MGAT5: variants seen among roughly 807,000 people sequenced by gnomAD.
MGAT5 encodes the protein alpha-1,6-mannosylglycoprotein 6-beta-N-acetylglucosaminyltransferase A.
A neutral mutation model predicts 94.3 loss-of-function variants in MGAT5; 30 were observed. That is an observed-to-expected ratio of 0.32 (90% CI 0.24 to 0.43). The LOEUF is 0.43. Ranked by LOEUF, MGAT5 falls within the 20% of genes least tolerant of loss-of-function variation. MGAT5 has a pLI of 1.00. For synonymous variants in MGAT5, 310 were observed against 322.9 expected, an observed-to-expected ratio of 0.96 and a Z score of 0.43; for missense variants, 691 against 905.5, an observed-to-expected ratio of 0.76 and a Z score of 3.04.
intron 10 of MGAT5, among the ~76,000 whole-genome samples, chr2:134,370,948 A>T (rs542085240): frequency 9.2e-5 from 14 of 152,330 alleles, no homozygotes; most frequent in African/African-American, 3.4e-4. Flanking sequence ...TGTGAGTAGG[A>T]ATAAGTGTGG....
At chr2:134,409,807 C>T (rs772887354) in intron 11 of MGAT5, among the ~76,000 whole-genome samples, 1 of 152,132 alleles carries the variant, frequency 6.6e-6, no homozygotes, top group African/African-American at 2.4e-5. Context: ...TTTTACTGGA[C>T]CCTTTGTGAA....
intron 10 of MGAT5, among the ~76,000 whole-genome samples, chr2:134,402,629 C>A (rs1157765676): frequency 6.6e-6 from 1 of 152,120 alleles, no homozygotes; most frequent in Non-Finnish European, 1.5e-5. Context: ...GTAGGAAGAG[C>A]CAAAATCAAC....
chr2:134,271,834 T>TTACAGAA (rs1684047732), intron 2 of MGAT5, among the ~76,000 whole-genome samples: 1 of 152,184 alleles, frequency 6.6e-6, no homozygotes, highest in Admixed American at 6.5e-5. Flanking sequence ...AACCTCCCAC[T>TTACAGAA]GTGTTTAGCT....
At chr2:134,184,615 C>T (rs1043197033) in intron 1 of MGAT5, among the ~76,000 whole-genome samples, 2 of 152,166 alleles carry the variant, frequency 1.3e-5, no homozygotes, top group Non-Finnish European at 2.9e-5. Flanking sequence ...TTGCACACTG[C>T]TGTGAACCCA....
intron 4 of MGAT5, among the ~76,000 whole-genome samples, chr2:134,325,954 T>C (rs1480064761): frequency 6.6e-6 from 1 of 152,036 alleles, no homozygotes; most frequent in African/African-American, 2.4e-5. Flanking sequence ...ATCAGAATAG[T>C]GCCTAATATT....
At chr2:134,429,415 G>T (rs565447196) in intron 14 of MGAT5, among the ~76,000 whole-genome samples, 11 of 152,182 alleles carry the variant, frequency 7.2e-5, no homozygotes, top group African/African-American at 2.7e-4. Context: ...AAGAGAGCGC[G>T]CTCTGCAGCC....
chr2:134,266,786 T>C (rs1683745514), intron 1 of MGAT5, among the ~76,000 whole-genome samples: 1 of 152,210 alleles, frequency 6.6e-6, no homozygotes, highest in East Asian at 1.9e-4. Flanking sequence ...TAATCTTGGG[T>C]TGGCTGCTTT....
intron 2 of MGAT5, 76 bp from the exon 3 acceptor site, chr2:134,317,453 C>G: frequency 8.9e-7 from 1 of 1,126,880 alleles, no homozygotes; most frequent in Non-Finnish European, 1.2e-6. Context: ...CTCTCCCTAC[C>G]TCTTGGCTTA....
chr2:134,193,750 G>A (rs1044721120), intron 1 of MGAT5, among the ~76,000 whole-genome samples: 1 of 149,432 alleles, frequency 6.7e-6, no homozygotes, highest in African/African-American at 2.5e-5. Context: ...TCTAGCCCAG[G>A]CCCTGTGGGG....
At chr2:134,120,452 C>G (rs1274371065) in intron 1 of MGAT5, among the ~76,000 whole-genome samples, 1 of 151,864 alleles carries the variant, frequency 6.6e-6, no homozygotes, top group East Asian at 2.0e-4. Context: ...CGTCGCTCCT[C>G]TGCCGCCTGC....
chr2:134,255,582 A>G (rs930471488), intron 1 of MGAT5, among the ~76,000 whole-genome samples: 3 of 151,988 alleles, frequency 2.0e-5, no homozygotes, highest in African/African-American at 4.8e-5. Context: ...TTGCAAATGG[A>G]ATTTAGATCA....
chr2:134,301,307 A>G (rs531201028), intron 2 of MGAT5, among the ~76,000 whole-genome samples: 1 of 152,224 alleles, frequency 6.6e-6, no homozygotes, highest in South Asian at 2.1e-4. Flanking sequence ...TCCAGTTGTG[A>G]GCTGTTATGA....
chr2:134,274,951 T>G (rs1024871571), intron 2 of MGAT5, among the ~76,000 whole-genome samples: 3 of 152,226 alleles, frequency 2.0e-5, no homozygotes, highest in Non-Finnish European at 4.4e-5. Context: ...CATTTGAAAG[T>G]TGAAAATGAA....
intron 14 of MGAT5, among the ~76,000 whole-genome samples, chr2:134,437,726 G>A (rs1685240302): frequency 6.6e-6 from 1 of 152,134 alleles, no homozygotes. Context: ...AAGAATTACA[G>A]GTTGAGCGGG....
At chr2:134,359,943 G>C (rs1310575371) in intron 9 of MGAT5, among the ~76,000 whole-genome samples, 1 of 152,138 alleles carries the variant, frequency 6.6e-6, no homozygotes, top group Non-Finnish European at 1.5e-5. Context: ...TCATGGCTGA[G>C]CAAACCCTTA....
intron 1 of MGAT5, among the ~76,000 whole-genome samples, chr2:134,164,838 T>TC (rs1687892032): frequency 3.4e-5 from 4 of 117,786 alleles, no homozygotes; most frequent in Admixed American, 2.6e-4. Context: ...GACACCCGTC[T>TC]CAAAAAAAAA....
chr2:134,297,169 C>T (rs1200055618), intron 2 of MGAT5, among the ~76,000 whole-genome samples: 1 of 134,994 alleles, frequency 7.4e-6, no homozygotes, highest in Non-Finnish European at 1.5e-5. Flanking sequence ...TACAGTCCAG[C>T]TTGGGCAACA....
rs116396696 is a variant in MGAT5 at position 134,431,311 on chromosome 2, A to T, written c.1869+2872A>T. Among the ~76,000 whole-genome samples, 1,249 of 152,222 alleles carry T rather than the reference A, an allele frequency of 8.2e-3. 18 individuals are homozygous for T. Among genetic ancestry groups the T allele is most frequent in the African/African-American group, 0.028 (1,159 of 41,506 alleles). On this transcript the variant is annotated intron_variant, in intron 14 of 15. Coordinates refer to ENST00000281923, the MANE Select transcript of MGAT5 (RefSeq NM_002410.5). ...GGGTGCTTAGAAAAATCATTCCAGG[A>T]ATCTTGTGTTAGGGGCATTTCTTAT...
At chr2:134,217,234 G>C (rs927776197) in intron 1 of MGAT5, among the ~76,000 whole-genome samples, 2 of 92,280 alleles carry the variant, frequency 2.2e-5, no homozygotes, top group Non-Finnish European at 4.1e-5. Flanking sequence ...GAGGGAGAGA[G>C]AGTGGTGTGT....
Sources: gnomAD v4.1 joint callset for allele counts (sites outside exome capture counted in the v4.1 genomes callset) on GRCh38, gnomAD v4.1.1 for gene constraint, MANE v1.5 for transcripts, NCBI Gene and HGNC (gene_info 2026-07-23, HGNC 2026-07-21) for gene names.